Variants in MDGA2 observed in about 807,000 individuals in gnomAD.
MDGA2 encodes MAM domain-containing glycosylphosphatidylinositol anchor protein 2.
In MDGA2, 40 loss-of-function variants were observed where a neutral mutation model predicts 117.8. The observed-to-expected ratio is 0.34, with a 90% CI of 0.26 to 0.44. The LOEUF is 0.44. MDGA2 is among the 20% of genes least tolerant of loss of function. The pLI is 1.00. For synonymous variants in MDGA2, 452 were observed against 439.0 expected, an observed-to-expected ratio of 1.03 and a Z score of -0.37; for missense variants, 1,123 against 1,250.6, an observed-to-expected ratio of 0.90 and a Z score of 1.54.
intron 9 of MDGA2, among the ~76,000 whole-genome samples, chr14:46,953,621 A>ATTAT (rs10636511): frequency 0.12 from 17,818 of 151,868 alleles, 1,975 homozygotes; most frequent in African/African-American, 0.27. Flanking sequence ...TTTTTTTCAC[A>ATTAT]TTATTGTCTT....
chr14:46,961,607 A>G (rs866313679), intron 8 of MDGA2, among the ~76,000 whole-genome samples: 2 of 150,384 alleles, frequency 1.3e-5, no homozygotes, highest in African/African-American at 4.9e-5. Context: ...CTTATCTTCC[A>G]TTTCTTTAAA....
chr14:47,002,757 G>C (rs1887578091), intron 8 of MDGA2, among the ~76,000 whole-genome samples: 1 of 151,812 alleles, frequency 6.6e-6, no homozygotes, highest in African/African-American at 2.4e-5. Context: ...ATTTATACTT[G>C]AATTTAACAT....
chr14:47,412,295 T>A (rs1453441203), intron 1 of MDGA2, among the ~76,000 whole-genome samples: 2 of 152,154 alleles, frequency 1.3e-5, no homozygotes, highest in African/African-American at 2.4e-5. Flanking sequence ...TTTATTTTTT[T>A]CAAGAGATAG....
At chr14:46,989,334 G>GAAA (rs1566561982) in intron 8 of MDGA2, among the ~76,000 whole-genome samples, 5 of 121,768 alleles carry the variant, frequency 4.1e-5, no homozygotes, top group Non-Finnish European at 9.0e-5. Context: ...AAAAAAAAAG[G>GAAA]GGGGTATCCT....
intron 1 of MDGA2, among the ~76,000 whole-genome samples, chr14:47,512,034 T>G (rs1391929398): frequency 2.0e-5 from 3 of 152,170 alleles, no homozygotes; most frequent in Admixed American, 6.5e-5. Context: ...CAGTAAACTT[T>G]GGTTCAGTAA....
chr14:47,369,596 A>T (rs987359972), intron 1 of MDGA2, among the ~76,000 whole-genome samples: 1 of 152,066 alleles, frequency 6.6e-6, no homozygotes, highest in Non-Finnish European at 1.5e-5. Flanking sequence ...CAACAAAAAG[A>T]TGTTCTCATA....
rs556384460 is a variant in MDGA2, at chr14:47,280,604, G to A, written c.420+20807C>T. Among the ~76,000 whole-genome samples the A allele has an allele frequency of 5.9e-5, 9 of 152,062 alleles. No homozygotes were observed. In the East Asian group the frequency reaches 1.4e-3, roughly 23 times the overall value. On this transcript the variant is annotated intron_variant, in intron 2 of 16. Coordinates refer to ENST00000399232, the MANE Select transcript of MDGA2 (RefSeq NM_001113498.3). ...ATTTGTGGAGAGCTCTATGGGACAG[G>A]ATTCTGGATGCTCTATCACCTGTTC...
intron 1 of MDGA2, among the ~76,000 whole-genome samples, chr14:47,586,138 G>A (rs1896321010): frequency 2.0e-5 from 3 of 151,836 alleles, no homozygotes; most frequent in Admixed American, 2.0e-4. Flanking sequence ...CTTGGTCTTA[G>A]TTAAATTAAG....
At chr14:47,256,793 G>A (rs562796366) in intron 2 of MDGA2, among the ~76,000 whole-genome samples, 18 of 150,822 alleles carry the variant, frequency 1.2e-4, no homozygotes, top group Non-Finnish European at 2.7e-4. Context: ...GAGCCAGAAA[G>A]AAAGAGAGAA....
intron 5 of MDGA2, among the ~76,000 whole-genome samples, chr14:47,123,841 T>A (rs974868231): frequency 6.6e-6 from 1 of 152,078 alleles, no homozygotes; most frequent in African/African-American, 2.4e-5. Context: ...GTGTTATTAT[T>A]TTTGAAAACA....
At chr14:47,017,951 C>T (rs1888141938) in intron 8 of MDGA2, among the ~76,000 whole-genome samples, 1 of 152,036 alleles carries the variant, frequency 6.6e-6, no homozygotes, top group Admixed American at 6.5e-5. Flanking sequence ...GTATTTATTG[C>T]TCTCTGTTCT....
intron 7 of MDGA2, among the ~76,000 whole-genome samples, chr14:47,045,591 T>C (rs933717961): frequency 6.6e-6 from 1 of 152,088 alleles, no homozygotes; most frequent in Non-Finnish European, 1.5e-5. Flanking sequence ...GTCAAAATTG[T>C]AGTAAGCAAC....
intron 6 of MDGA2, among the ~76,000 whole-genome samples, chr14:47,081,696 C>G (rs1890714478): frequency 6.6e-6 from 1 of 152,068 alleles, no homozygotes; most frequent in Admixed American, 6.5e-5. Context: ...CCTAAATTAT[C>G]ACCGGAAAAA....
intron 1 of MDGA2, among the ~76,000 whole-genome samples, chr14:47,475,704 C>T (rs561975146): frequency 1.3e-5 from 2 of 152,162 alleles, no homozygotes; most frequent in South Asian, 2.1e-4. Flanking sequence ...AGCCATTACC[C>T]TCAGCAAACT....
chr14:46,976,135 G>A (rs1886450221), intron 8 of MDGA2, among the ~76,000 whole-genome samples: 1 of 152,140 alleles, frequency 6.6e-6, no homozygotes, highest in South Asian at 2.1e-4. Flanking sequence ...GAAGATGGAT[G>A]ACAGTGTTGG....
chr14:47,393,765 A>G (rs1404783673), intron 1 of MDGA2, among the ~76,000 whole-genome samples: 2 of 152,138 alleles, frequency 1.3e-5, no homozygotes, highest in Admixed American at 6.6e-5. Flanking sequence ...CTATTTTTCC[A>G]TCTTTCAATA....
At chr14:47,609,454 T>C (rs1275729681) in intron 1 of MDGA2, among the ~76,000 whole-genome samples, 5 of 110,758 alleles carry the variant, frequency 4.5e-5, no homozygotes, top group East Asian at 3.0e-4. Flanking sequence ...TATATATATA[T>C]ATATATATAT....
At chr14:47,462,096 T>C (rs1353592065) in intron 1 of MDGA2, among the ~76,000 whole-genome samples, 1 of 152,058 alleles carries the variant, frequency 6.6e-6, no homozygotes, top group African/African-American at 2.4e-5. Context: ...TAAATCCAAC[T>C]TGCAAGCGCG....
At chr14:47,182,516 C>T (rs1594703192) in intron 3 of MDGA2, among the ~76,000 whole-genome samples, 1 of 152,224 alleles carries the variant, frequency 6.6e-6, no homozygotes, top group African/African-American at 2.4e-5. Flanking sequence ...AAGAAGCCAG[C>T]CATCTGCAAA....
Sources: gnomAD v4.1 joint callset for allele counts (sites outside exome capture counted in the v4.1 genomes callset) on GRCh38, gnomAD v4.1.1 for gene constraint, MANE v1.5 for transcripts, NCBI Gene and HGNC (gene_info 2026-07-23, HGNC 2026-07-21) for gene names.